MARCHF1: variants seen among roughly 807,000 people sequenced by gnomAD.
The protein encoded by MARCHF1 is E3 ubiquitin-protein ligase MARCHF1.
In MARCHF1, 40 loss-of-function variants were observed where a neutral mutation model predicts 54.2. The ratio of observed to expected loss-of-function variants is 0.74; its 90% CI spans 0.57 to 0.96. The LOEUF (loss-of-function observed/expected upper bound fraction) is 0.96. MARCHF1 is among the 40% of genes least tolerant of loss of function. The pLI, the probability that MARCHF1 is intolerant of heterozygous loss-of-function variation, is 0.00. For missense variants in MARCHF1, 586 were observed against 656.5 expected, an observed-to-expected ratio of 0.89 and a Z score of 1.17; for synonymous variants, 236 against 236.3, an observed-to-expected ratio of 1.00 and a Z score of 0.01.
At chr4:164,039,858 CA>C (rs1445965890) in intron 2 of MARCHF1, among the ~76,000 whole-genome samples, 2 of 151,458 alleles carry the variant, frequency 1.3e-5, no homozygotes, top group Non-Finnish European at 2.9e-5. Context: ...TGAGTACTTA[CA>C]AACATCAGTT....
chr4:164,381,810 G>A (rs1731379390), intron 1 of MARCHF1, among the ~76,000 whole-genome samples: 1 of 152,120 alleles, frequency 6.6e-6, no homozygotes, highest in African/African-American at 2.4e-5. Context: ...GAACCTTAAA[G>A]TAAAACCCCA....
At chr4:163,998,024 C>T (rs1579449271) in intron 2 of MARCHF1, among the ~76,000 whole-genome samples, 1 of 146,024 alleles carries the variant, frequency 6.8e-6, no homozygotes, top group East Asian at 2.0e-4. Flanking sequence ...AATATAGGTA[C>T]TAAAAATTGT....
chr4:164,003,600 C>T (rs184878225), intron 2 of MARCHF1, among the ~76,000 whole-genome samples: 47 of 152,142 alleles, frequency 3.1e-4, no homozygotes, highest in Non-Finnish European at 5.7e-4. Context: ...TACCATCTCA[C>T]CAGTCAGAAT....
intron 2 of MARCHF1, among the ~76,000 whole-genome samples, chr4:164,098,883 C>T (rs1021098627): frequency 2.6e-5 from 4 of 152,180 alleles, no homozygotes; most frequent in Admixed American, 1.3e-4. Context: ...ACTGCTCATG[C>T]TAATTTAGAA....
chr4:164,048,184 AT>A (rs1325303485), intron 2 of MARCHF1, among the ~76,000 whole-genome samples: 2 of 152,086 alleles, frequency 1.3e-5, no homozygotes, highest in East Asian at 3.8e-4. Flanking sequence ...TTCAATTCTG[AT>A]TTTTTAAATA....
Position 163,793,647 on chromosome 4 carries a change from C to T in MARCHF1, c.111+60374G>A, listed in dbSNP as rs187460159. On this transcript the variant is annotated intron_variant, in intron 4 of 9. Transcript: ENST00000514618. ...AAATGAAATCCACAAGCAGACAGCCCGGCGCCATACCCTGGGCCTGGTAGT... is the reference window on the plus strand; with the variant it reads ...AAATGAAATCCACAAGCAGACAGCCTGGCGCCATACCCTGGGCCTGGTAGT... 9.9e-5 allele frequency among the ~76,000 whole-genome samples: 15 copies of T among 152,222 alleles called. No homozygotes were observed. The East Asian group carries it at 2.1e-3, about 22-fold the overall frequency.
chr4:163,605,235 A>C (rs1741103200), intron 7 of MARCHF1, among the ~76,000 whole-genome samples: 1 of 152,176 alleles, frequency 6.6e-6, no homozygotes, highest in African/African-American at 2.4e-5. Flanking sequence ...CCCATCAAAA[A>C]GTGGGCAAAG....
At chr4:163,982,676 A>G (rs1752786606) in intron 3 of MARCHF1, among the ~76,000 whole-genome samples, 1 of 152,320 alleles carries the variant, frequency 6.6e-6, no homozygotes, top group African/African-American at 2.4e-5. Flanking sequence ...CCCAAACAAT[A>G]TTACCCAGAG....
chr4:163,892,684 TTTA>T (rs1210091366), intron 3 of MARCHF1, among the ~76,000 whole-genome samples: 3 of 151,748 alleles, frequency 2.0e-5, no homozygotes, highest in Non-Finnish European at 4.4e-5. Flanking sequence ...GAGTTATCAA[TTTA>T]TGTATTTATG....
intron 4 of MARCHF1, among the ~76,000 whole-genome samples, chr4:163,822,230 G>T: frequency 6.6e-6 from 1 of 151,602 alleles, no homozygotes; most frequent in East Asian, 1.9e-4. Flanking sequence ...TCTGCACATT[G>T]GATCACATAA....
At position 164,104,246 on chromosome 4, in the gene MARCHF1, T is replaced by C. The variant is rs796135003; in HGVS notation, c.-248+7342A>G. Among the ~76,000 whole-genome samples the C allele has an allele frequency of 1.4e-3, 179 of 132,200 alleles. 4 individuals carry two copies. In the East Asian group the frequency reaches 0.033, roughly 24 times the overall value. The allele number at this position is 132,200 out of a possible 152,430, so 86.7% of individuals were successfully genotyped here. ...TTCCAATCAATAGAAAAAGAGGGAA[T>C]CCTCCCTAACTCATTTTATGAGGCC... On this transcript the variant is annotated intron_variant, in intron 2 of 9. Transcript: ENST00000514618.
chr4:163,999,708 G>C (rs568021014), intron 2 of MARCHF1, among the ~76,000 whole-genome samples: 1 of 151,416 alleles, frequency 6.6e-6, no homozygotes, highest in East Asian at 1.9e-4. Context: ...TATTTATTGA[G>C]CCAACTCATA....
chr4:163,965,742 C>T (rs1195592378), intron 3 of MARCHF1, among the ~76,000 whole-genome samples: 2 of 152,046 alleles, frequency 1.3e-5, no homozygotes, highest in African/African-American at 2.4e-5. Flanking sequence ...GTCAATTATT[C>T]CCAAATGAAC....
At chr4:163,717,554 T>C (rs529620444) in intron 4 of MARCHF1, among the ~76,000 whole-genome samples, 25 of 152,252 alleles carry the variant, frequency 1.6e-4, no homozygotes, top group Non-Finnish European at 2.6e-4. Flanking sequence ...TACTTCTAGA[T>C]CCTTGAGGAA....
rs771555396 is a variant in MARCHF1 at position 163,613,502 on chromosome 4, C to A, written c.163-109G>T. ...AATTACAACAAACGTGGCTGCTGGT[C>A]ATGTTGCTTATAATGCAGAACAGAG... On this transcript the variant is annotated intron_variant, in intron 5 of 9. Transcript: ENST00000514618. The A allele has an allele frequency of 3.7e-6, 6 of 1,610,530 alleles. No homozygotes were observed. The East Asian group carries it at 6.7e-5, about 18-fold the overall frequency.
intron 4 of MARCHF1, among the ~76,000 whole-genome samples, chr4:163,768,139 G>A (rs933648598): frequency 6.6e-6 from 1 of 152,054 alleles, no homozygotes; most frequent in African/African-American, 2.4e-5. Flanking sequence ...TCTTTAGTAG[G>A]TCCAAATTGA....
At chr4:163,709,474 C>A (rs1490445248) in intron 4 of MARCHF1, among the ~76,000 whole-genome samples, 1 of 151,982 alleles carries the variant, frequency 6.6e-6, no homozygotes, top group African/African-American at 2.4e-5. Context: ...ATCTTTTAAA[C>A]AATAGAACAT....
At chr4:164,159,431 ATG>A (rs1362292970) in intron 1 of MARCHF1, among the ~76,000 whole-genome samples, 1 of 152,198 alleles carries the variant, frequency 6.6e-6, no homozygotes, top group Non-Finnish European at 1.5e-5. Flanking sequence ...CATTGAATAA[ATG>A]TTTCTCTCCT....
At chr4:163,567,857 A>G (rs1276155001) in intron 8 of MARCHF1, among the ~76,000 whole-genome samples, 2 of 152,086 alleles carry the variant, frequency 1.3e-5, no homozygotes, top group Non-Finnish European at 2.9e-5. Context: ...CGTATGCCAT[A>G]TACCTAGAGG....
Sources: allele counts gnomAD v4.1 joint callset (sites outside exome capture counted in the v4.1 genomes callset), GRCh38; gene constraint gnomAD v4.1.1; transcripts MANE v1.5; gene names NCBI Gene and HGNC (gene_info 2026-07-23, HGNC 2026-07-21).